Variants in HIPK1 observed in about 807,000 individuals in gnomAD.
HIPK1 encodes homeodomain interacting protein kinase 1, also known as homeodomain-interacting protein kinase 1.
A neutral mutation model predicts 117.1 loss-of-function variants in HIPK1; 28 were observed. That is an observed-to-expected ratio of 0.24 (90% CI 0.18 to 0.33). The LOEUF (loss-of-function observed/expected upper bound fraction) is 0.33. Among genes scored for constraint, HIPK1 ranks in the 10% least tolerant of loss-of-function variants. The probability of loss-of-function intolerance (pLI) is 1.00; values close to 1 mark genes in which losing one functional copy is unlikely to be tolerated. For missense variants in HIPK1, 1,122 were observed against 1,475.1 expected, an observed-to-expected ratio of 0.76 and a Z score of 3.92; for synonymous variants, 605 against 562.5, an observed-to-expected ratio of 1.08 and a Z score of -1.07.
intron 6 of HIPK1, 126 bp downstream of exon 6, chr1:113,956,937 TTCTC>T: frequency 1.0e-6 from 1 of 978,228 alleles, no homozygotes; most frequent in Non-Finnish European, 1.6e-6. Context: ...GTGCTTTTCT[TTCTC>T]ATTGAAACAT....
intron 11 of HIPK1, 132 bp downstream of exon 11, chr1:113,966,404 A>T: frequency 2.7e-6 from 2 of 740,838 alleles, no homozygotes; most frequent in Non-Finnish European, 4.1e-6. Context: ...TTAAGAACCC[A>T]TATCAGGCTA....
chr1:113,957,058 C>T (rs1671775203), intron 6 of HIPK1, 66 bp from the exon 7 acceptor site: 1 of 1,317,390 alleles, frequency 7.6e-7, no homozygotes, highest in Non-Finnish European at 1.1e-6. Flanking sequence ...CCATGTTCAT[C>T]TTGAGTTATT....
intron 2 of HIPK1, among the ~76,000 whole-genome samples, chr1:113,949,421 C>T (rs940222927): frequency 6.6e-6 from 1 of 151,922 alleles, no homozygotes; most frequent in South Asian, 2.1e-4. Flanking sequence ...TTTAGAAAAG[C>T]TTTTATGTTG....
At chr1:113,956,575 G>A (rs887737220) in intron 5 of HIPK1, 52 bp from the exon 6 acceptor site, 52 of 1,347,848 alleles carry the variant, frequency 3.9e-5, no homozygotes, top group Non-Finnish European at 5.1e-5. Context: ...GCTATGTAGT[G>A]TCAGTGCCAA....
At chr1:113,946,058 G>C (rs1238438313) in intron 2 of HIPK1, among the ~76,000 whole-genome samples, 1 of 151,994 alleles carries the variant, frequency 6.6e-6, no homozygotes, top group Non-Finnish European at 1.5e-5. Flanking sequence ...TTTGTTTTCT[G>C]GTTTTATGCT....
chr1:113,968,057 A>T, intron 12 of HIPK1, 109 bp downstream of exon 12: 2 of 961,964 alleles, frequency 2.1e-6, no homozygotes, highest in Non-Finnish European at 3.1e-6. Flanking sequence ...AGCAGCAAGT[A>T]GCTGCCAAAT....
intron 15 of HIPK1, 79 bp downstream of exon 15, chr1:113,972,033 T>G: frequency 6.2e-7 from 1 of 1,613,220 alleles, no homozygotes; most frequent in Non-Finnish European, 8.5e-7. Flanking sequence ...TCTGGCTGGA[T>G]GCTGAATAAA....
At chr1:113,951,945 C>CTTTT (rs34394248) in intron 2 of HIPK1, among the ~76,000 whole-genome samples, 1 of 110,676 alleles carries the variant, frequency 9.0e-6, no homozygotes, top group Non-Finnish European at 1.8e-5. Context: ...TTGACCAGGG[C>CTTTT]TTTTTTTTTT....
chr1:113,971,396 A>T (rs1049993309), intron 14 of HIPK1, among the ~76,000 whole-genome samples: 1 of 152,216 alleles, frequency 6.6e-6, no homozygotes, highest in Middle Eastern at 3.2e-3. Flanking sequence ...GTCCAACAAG[A>T]TAGAATTTTG....
chr1:113,939,521 T>C (rs1311146988), intron 1 of HIPK1, among the ~76,000 whole-genome samples: 1 of 152,058 alleles, frequency 6.6e-6, no homozygotes, highest in South Asian at 2.1e-4. Flanking sequence ...ATGAGGTGTT[T>C]GTGAAATGTC....
At chr1:113,956,949 C>A in intron 6 of HIPK1, 138 bp downstream of exon 6, 1 of 925,304 alleles carries the variant, frequency 1.1e-6, no homozygotes, top group South Asian at 1.6e-5. Context: ...CTCATTGAAA[C>A]ATCATAAGAT....
intron 7 of HIPK1, 68 bp downstream of exon 7, chr1:113,957,354 G>A: frequency 7.8e-7 from 1 of 1,279,122 alleles, no homozygotes; most frequent in African/African-American, 1.5e-5. Flanking sequence ...TACAGGGCAA[G>A]GTAAAGAACC....
chr1:113,956,595 G>T (rs1157669884), intron 5 of HIPK1, 32 bp from the exon 6 acceptor site: 1 of 1,559,316 alleles, frequency 6.4e-7, no homozygotes, highest in Non-Finnish European at 8.8e-7. Flanking sequence ...AAGGTTAAGT[G>T]AAGAAGTATA....
chr1:113,930,708 G>A (rs1462516787), intron 1 of HIPK1: 5 of 152,330 alleles, frequency 3.3e-5, no homozygotes, highest in South Asian at 4.1e-4. Context: ...CCGTCTCCAG[G>A]AGCGTTGGTC....
chr1:113,930,316 C>A (rs1477917878), intron 1 of HIPK1, among the ~76,000 whole-genome samples: 2 of 152,208 alleles, frequency 1.3e-5, no homozygotes, highest in Admixed American at 1.3e-4. Flanking sequence ...GTGTGTACTT[C>A]ACAGCTCCGC....
intron 2 of HIPK1, among the ~76,000 whole-genome samples, chr1:113,950,449 G>C (rs1479282960): frequency 1.3e-5 from 2 of 152,240 alleles, no homozygotes; most frequent in East Asian, 1.9e-4. Context: ...AAATTATTTG[G>C]AGAAGATGAT....
At chr1:113,943,717 G>A (rs1211164062) in intron 2 of HIPK1, among the ~76,000 whole-genome samples, 2 of 152,196 alleles carry the variant, frequency 1.3e-5, no homozygotes, top group African/African-American at 2.4e-5. Flanking sequence ...ATTTTCCACA[G>A]AGGCTGCACT....
At position 113,941,567 on chromosome 1, in the gene HIPK1, GATAGAA is replaced by G. The variant is rs1430221240; in HGVS notation, c.1076+113_1076+118del. ...CAATGAATTTGTTTATAGATTCTGAGATAGAAATAGGATATGTTTTAGCTCATTCTA... is the reference window on the plus strand; with the variant it reads ...CAATGAATTTGTTTATAGATTCTGAGATAGGATATGTTTTAGCTCATTCTA... On this transcript the variant is annotated intron_variant, in intron 2 of 15. Transcript: ENST00000426820. This position sits in a 1 kb window ranked among gnomAD's most constrained non-coding sequence, Gnocchi z 4.9. 2.2e-5 allele frequency: 18 copies of G among 834,310 alleles called. No homozygotes were observed. In the East Asian group the frequency reaches 4.4e-4, roughly 21 times the overall value. The allele number at this position is 834,310 out of a possible 1,614,324, so 51.7% of individuals were successfully genotyped here.
intron 10 of HIPK1, 51 bp downstream of exon 10, chr1:113,963,572 T>C: frequency 6.4e-7 from 1 of 1,554,536 alleles, no homozygotes; most frequent in Non-Finnish European, 8.7e-7. Flanking sequence ...TTGGTTTCTT[T>C]CTTTTTTGTT....
Sources: allele counts gnomAD v4.1 joint callset (sites outside exome capture counted in the v4.1 genomes callset), GRCh38; gene constraint gnomAD v4.1.1; non-coding constraint Gnocchi (gnomAD v3.1); transcripts MANE v1.5; gene names NCBI Gene and HGNC (gene_info 2026-07-23, HGNC 2026-07-21).